The following CCDC126 variants were observed in gnomAD, a reference collection of about 807,000 sequenced individuals.
CCDC126 encodes the protein coiled-coil domain containing 126.
CCDC126 carries 5 observed loss-of-function variants against 11.7 expected under a neutral mutation model. The ratio of observed to expected loss-of-function variants is 0.43; its 90% CI spans 0.22 to 0.90. The LOEUF is 0.90. Among genes scored for constraint, CCDC126 ranks in the 40% least tolerant of loss-of-function variants. CCDC126 has a pLI of 0.27. For missense variants in CCDC126, 150 were observed against 163.1 expected, an observed-to-expected ratio of 0.92 and a Z score of 0.44; for synonymous variants, 60 against 61.9, an observed-to-expected ratio of 0.97 and a Z score of 0.14.
At chr7:23,623,371 C>A (rs866219326) in intron 3 of CCDC126, among the ~76,000 whole-genome samples, 1 of 151,812 alleles carries the variant, frequency 6.6e-6, no homozygotes, top group African/African-American at 2.4e-5. Flanking sequence ...CCGAGGTGGG[C>A]GGATCACCTG....
chr7:23,637,726 C>T (rs865828640), intron 3 of CCDC126, among the ~76,000 whole-genome samples: 1,934 of 7,752 alleles, frequency 0.25, 558 homozygotes, highest in African/African-American at 0.49. Flanking sequence ...GCCCCCCGCC[C>T]GGCCAGCCGC....
At chr7:23,632,337 C>G (rs1377174416) in intron 3 of CCDC126, among the ~76,000 whole-genome samples, 2 of 152,214 alleles carry the variant, frequency 1.3e-5, no homozygotes, top group Non-Finnish European at 2.9e-5. Context: ...CTCAAGTGAT[C>G]CGCCCGCCTT....
Position 23,637,810 on chromosome 7 carries a change from C to G in CCDC126, c.239-5121C>G, listed in dbSNP as rs1456332653. ...GGGAGGGAGGCGGGGAGGGGGGGGT[C>G]GGCCAGCCGCCCTGTCCGGGAGGGA... On this transcript the variant is annotated intron_variant, in intron 3 of 3. Transcript: ENST00000307471. Among the ~76,000 whole-genome samples, 9 of 106,326 alleles carry G rather than the reference C, an allele frequency of 8.5e-5. No homozygotes were observed. The East Asian group carries it at 2.8e-3, about 33-fold the overall frequency. The allele number at this position is 106,326 out of a possible 152,430, so 69.8% of individuals were successfully genotyped here.
At chr7:23,600,258 T>C (rs2128013313) in intron 2 of CCDC126, among the ~76,000 whole-genome samples, 1 of 152,306 alleles carries the variant, frequency 6.6e-6, no homozygotes, top group African/African-American at 2.4e-5. Context: ...AATGATCTGA[T>C]ATCTTGACAC....
At position 23,638,158 on chromosome 7, in the gene CCDC126, G is replaced by A. The variant is rs1783276519; in HGVS notation, c.239-4773G>A. Among the ~76,000 whole-genome samples, 4 of 150,840 alleles carry A rather than the reference G, an allele frequency of 2.7e-5. No individual in the cohort carries two copies. The South Asian group carries it at 8.4e-4, about 32-fold the overall frequency. ...AGGAGAGGGGCGCTTCTGCCCGGCC[G>A]CCCCTACTGGGAAGTGAGGAGCCCC... On this transcript the variant is annotated intron_variant, in intron 3 of 3. Coordinates refer to ENST00000307471, the MANE Select transcript of CCDC126 (RefSeq NM_138771.4).
At chr7:23,607,543 A>G (rs1420009916) in intron 2 of CCDC126, among the ~76,000 whole-genome samples, 8 of 152,222 alleles carry the variant, frequency 5.3e-5, no homozygotes, top group Non-Finnish European at 1.2e-4. Context: ...AATTAAAAGT[A>G]CATAAGTAAA....
chr7:23,640,525 G>A (rs1456444719), intron 3 of CCDC126, among the ~76,000 whole-genome samples: 3 of 151,826 alleles, frequency 2.0e-5, no homozygotes, highest in Admixed American at 2.0e-4. Context: ...TTTTAAATAT[G>A]CAATTCATCA....
intron 3 of CCDC126, among the ~76,000 whole-genome samples, chr7:23,623,086 G>C (rs1341872965): frequency 6.9e-6 from 1 of 144,384 alleles, no homozygotes; most frequent in African/African-American, 2.6e-5. Context: ...CGGTTCTCCT[G>C]CCTTAGCCTC....
intron 3 of CCDC126, among the ~76,000 whole-genome samples, chr7:23,627,039 A>G (rs981901080): frequency 6.6e-6 from 1 of 152,204 alleles, no homozygotes; most frequent in Non-Finnish European, 1.5e-5. Flanking sequence ...AATTGGGAAT[A>G]CTTGCTCCAG....
rs1487781556 is a variant in CCDC126, at chr7:23,644,235, C to G, written c.*1120C>G. 6.6e-6 allele frequency: 1 copy of G among 152,354 alleles called. No individual in the cohort carries two copies. Among genetic ancestry groups the G allele is most frequent in the Non-Finnish European group, 1.5e-5 (1 of 67,900 alleles). 9.4% of individuals were successfully genotyped at this position (152,354 alleles called of 1,614,324 possible). ...AATATAAACTATGAAGATTGACTAT[C>G]TTTTCAGGAAAAAAGCTGTATATAG... On this transcript the variant is annotated 3_prime_UTR_variant, in exon 4 of 4. Transcript: ENST00000307471.
intron 3 of CCDC126, among the ~76,000 whole-genome samples, chr7:23,612,586 T>C (rs1238412698): frequency 6.7e-6 from 1 of 150,188 alleles, no homozygotes; most frequent in Admixed American, 6.7e-5. Flanking sequence ...GGTGGGAAGA[T>C]GGCTTGAGCC....
At chr7:23,637,807 G>T (rs1783263152) in intron 3 of CCDC126, among the ~76,000 whole-genome samples, 1 of 102,908 alleles carries the variant, frequency 9.7e-6, no homozygotes, top group Non-Finnish European at 2.2e-5. Flanking sequence ...GGGAGGGGGG[G>T]GTCGGCCAGC....
chr7:23,608,659 G>T (rs1782657761), intron 2 of CCDC126, among the ~76,000 whole-genome samples: 1 of 152,198 alleles, frequency 6.6e-6, no homozygotes, highest in African/African-American at 2.4e-5. Flanking sequence ...AGGGAGGGAA[G>T]TATAATGAAG....
In CCDC126 at chr7:23,611,493, C is replaced by A; in HGVS notation, c.178C>A (p.Leu60Ile). The change falls in exon 3 of 4, where the codon CTA becomes ATA. Residue 60 changes from leucine to isoleucine, a missense_variant. Leu to Ile is a conservative substitution (Grantham distance 5, BLOSUM62 2). Coordinates refer to ENST00000307471, the MANE Select transcript of CCDC126 (RefSeq NM_138771.4). ...LDLSKRYVKA[L>I]AEENKNTVDV... is the part of the protein sequence containing the mutation. ...CTTAAGCAAAAGATATGTTAAAGCT[C>A]TAGCAGAGGAAAATAAGAACACAGT... The A allele has an allele frequency of 6.2e-7, 1 of 1,613,994 alleles. No individual in the cohort carries two copies. Among genetic ancestry groups the A allele is most frequent in the Non-Finnish European group, 8.5e-7 (1 of 1,179,946 alleles).
At chr7:23,621,662 T>G (rs1782902855) in intron 3 of CCDC126, among the ~76,000 whole-genome samples, 1 of 152,198 alleles carries the variant, frequency 6.6e-6, no homozygotes, top group African/African-American at 2.4e-5. Context: ...TGTGCCAGTT[T>G]TCAAAGGGAA....
chr7:23,600,059 A>C (rs918324152), intron 2 of CCDC126, among the ~76,000 whole-genome samples: 11 of 152,214 alleles, frequency 7.2e-5, no homozygotes, highest in African/African-American at 2.7e-4. Flanking sequence ...TGCTGGGATC[A>C]CAGGCATGAG....
chr7:23,640,606 CAAG>C (rs1242947833), intron 3 of CCDC126, among the ~76,000 whole-genome samples: 1 of 152,148 alleles, frequency 6.6e-6, no homozygotes, highest in African/African-American at 2.4e-5. Context: ...CCACTCCAAA[CAAG>C]AAATCTATAA....
At chr7:23,599,102 A>C (rs1009386657) in intron 2 of CCDC126, among the ~76,000 whole-genome samples, 15 of 152,206 alleles carry the variant, frequency 9.9e-5, no homozygotes, top group African/African-American at 3.6e-4. Context: ...AAGCTGCCAG[A>C]AATAAGAATC....
intron 3 of CCDC126, among the ~76,000 whole-genome samples, chr7:23,621,389 T>C (rs1293312147): frequency 6.6e-6 from 1 of 152,234 alleles, no homozygotes; most frequent in Non-Finnish European, 1.5e-5. Context: ...TTGTGTGTTA[T>C]TGGTGTATAA....
Sources: gnomAD v4.1 joint callset for allele counts (sites outside exome capture counted in the v4.1 genomes callset) on GRCh38, gnomAD v4.1.1 for gene constraint, MANE v1.5 for transcripts, NCBI Gene and HGNC (gene_info 2026-07-23, HGNC 2026-07-21) for gene names.